The following HDHD2 variants were observed in gnomAD, a reference collection of about 807,000 sequenced individuals.
The protein encoded by HDHD2 is haloacid dehalogenase like hydrolase domain containing 2.
In HDHD2, 26 loss-of-function variants were observed where a neutral mutation model predicts 24.8. The ratio of observed to expected loss-of-function variants is 1.05; its 90% CI spans 0.77 to 1.45. The LOEUF (loss-of-function observed/expected upper bound fraction) is 1.45, where lower values mean the gene tolerates loss of function less well. Among genes scored for constraint, HDHD2 ranks in the 40% most tolerant of loss-of-function variants. The probability of loss-of-function intolerance (pLI) is 0.00; values close to 1 mark genes in which losing one functional copy is unlikely to be tolerated. For missense variants in HDHD2, 299 were observed against 313.4 expected (o/e 0.95, Z 0.35); for synonymous variants, 128 against 114.9 (o/e 1.11, Z -0.73).
intron 1 of HDHD2, among the ~76,000 whole-genome samples, chr18:47,144,954 CT>C (rs1289937328): frequency 6.6e-6 from 1 of 152,132 alleles, no homozygotes; most frequent in Non-Finnish European, 1.5e-5. Flanking sequence ...CCTATAAGGG[CT>C]TCTTATTCTT....
rs760347919 is a variant in HDHD2 at position 47,139,464 on chromosome 18, C to CAAAAAAAAAA, written c.-10-3025_-10-3016dup. On this transcript the variant is annotated intron_variant, in intron 1 of 6. Coordinates refer to ENST00000300605, the MANE Select transcript of HDHD2 (RefSeq NM_032124.5). ...TGGGTGACAGAGCGAGACTCTGTCT[C>CAAAAAAAAAA]AAAAAAAAAAAAAAAAAAAAAAAAA... Among the ~76,000 whole-genome samples, 33 of 50,476 alleles carry CAAAAAAAAAA rather than the reference C, an allele frequency of 6.5e-4. 2 individuals carry two copies. Among genetic ancestry groups the CAAAAAAAAAA allele is most frequent in the African/African-American group, 2.3e-3 (30 of 13,254 alleles). 33.1% of individuals were successfully genotyped at this position (50,476 alleles called of 152,430 possible). A position where few individuals can be genotyped will look rare whatever the true frequency, so the allele number is the denominator to read the frequency against.
intron 3 of HDHD2, among the ~76,000 whole-genome samples, chr18:47,131,196 C>T (rs1430995821): frequency 1.3e-5 from 2 of 152,070 alleles, no homozygotes; most frequent in African/African-American, 4.8e-5. Flanking sequence ...AGGCTGGTCT[C>T]GAATTCCTGA....
At position 47,150,460 on chromosome 18, in the gene HDHD2, G is replaced by C. The variant is rs1186466631; in HGVS notation, c.-93C>G. On this transcript the variant is annotated 5_prime_UTR_variant, in exon 1 of 7. Coordinates refer to ENST00000300605, the MANE Select transcript of HDHD2 (RefSeq NM_032124.5). ...CGCACTGGCCGCGGGTCCTCAGCCG[G>C]GATAGACAGCCCCGCTGCTGCCCGA... The C allele has an allele frequency of 6.6e-6, 1 of 152,394 alleles. No homozygotes were observed. The highest frequency in any genetic ancestry group is 1.9e-4 in the East Asian group (1 of 5,202). 9.4% of individuals were successfully genotyped at this position (152,394 alleles called of 1,614,324 possible). A position where few individuals can be genotyped will look rare whatever the true frequency, so the allele number is the denominator to read the frequency against.
intron 6 of HDHD2, chr18:47,110,272 C>G: frequency 1.0e-6 from 1 of 985,386 alleles, no homozygotes. Flanking sequence ...TAACTTCTTA[C>G]AGGAAGGGAG....
chr18:47,136,879 C>G (rs1346980268), intron 1 of HDHD2: 3 of 402,446 alleles, frequency 7.5e-6, no homozygotes, highest in Non-Finnish European at 1.4e-5. Flanking sequence ...TCTCATCGCC[C>G]TTCTTTGCTG....
intron 4 of HDHD2, among the ~76,000 whole-genome samples, chr18:47,117,827 T>C (rs1184960664): frequency 6.6e-6 from 1 of 151,878 alleles, no homozygotes; most frequent in African/African-American, 2.4e-5. Context: ...GTAATTATTA[T>C]AAGAAATAAT....
At chr18:47,128,129 C>G (rs1183662304) in intron 4 of HDHD2, among the ~76,000 whole-genome samples, 2 of 152,120 alleles carry the variant, frequency 1.3e-5, no homozygotes, top group East Asian at 1.9e-4. Flanking sequence ...TAGAGTTGAC[C>G]TATAAGTGCA....
At chr18:47,145,982 A>G (rs2063865534) in intron 1 of HDHD2, among the ~76,000 whole-genome samples, 1 of 152,204 alleles carries the variant, frequency 6.6e-6, no homozygotes, top group South Asian at 2.1e-4. Flanking sequence ...CTGTAATCTC[A>G]GCAGTTTGGG....
intron 2 of HDHD2, among the ~76,000 whole-genome samples, 194 bp from the exon 3 acceptor site, chr18:47,134,898 A>G (rs2063749521): frequency 6.6e-6 from 1 of 152,226 alleles, no homozygotes; most frequent in Non-Finnish European, 1.5e-5. Flanking sequence ...CCAGATGTAA[A>G]AAGATTTTTC....
chr18:47,112,808 G>C lies in HDHD2; in HGVS notation c.676+169C>G, dbSNP rs73954236. Among the ~76,000 whole-genome samples, 834 of 152,208 alleles carry C rather than the reference G, an allele frequency of 5.5e-3. 8 individuals are homozygous for C. The highest frequency in any genetic ancestry group is 0.019 in the African/African-American group (800 of 41,528). ...TGATCTTCCTAGCTTTGTACAGCAC[G>C]GGCCCTTCCCAATTGTTTCCTATAA... On this transcript the variant is annotated intron_variant, in intron 6 of 6. Transcript: ENST00000300605.
chr18:47,132,185 C>A (rs567973573), intron 3 of HDHD2, among the ~76,000 whole-genome samples: 1 of 152,064 alleles, frequency 6.6e-6, no homozygotes, highest in Non-Finnish European at 1.5e-5. Context: ...TTTTCCTATA[C>A]AGAAAATGTG....
In HDHD2 at chr18:47,134,601, C is replaced by T. The variant is rs766039364; in HGVS notation, c.205G>A (p.Glu69Lys). The part of the protein sequence containing the change: ...RLRKLEFDIS[E>K]DEIFTSLTAA... ...GTCAGAGATGTGAATATTTCATCTT[C>T]AGAGATATCAAATTCCAATTTTCTC... is the stretch of plus-strand genomic sequence containing the variant. Residue 69 changes from glutamate to lysine, a missense_variant, in exon 3 of 7, where the codon GAA (glutamate) becomes AAA (lysine). Transcript: ENST00000300605. 1 of 1,613,998 alleles carries T rather than the reference C, an allele frequency of 6.2e-7. No homozygotes were observed. The highest frequency in any genetic ancestry group is 1.7e-5 in the Admixed American group (1 of 60,034).
At chr18:47,125,699 G>T (rs1340974373) in intron 4 of HDHD2, among the ~76,000 whole-genome samples, 1 of 152,128 alleles carries the variant, frequency 6.6e-6, no homozygotes, top group African/African-American at 2.4e-5. Flanking sequence ...AATAATTATA[G>T]AAGTCAGAGC....
chr18:47,141,126 A>G (rs987302550), intron 1 of HDHD2, among the ~76,000 whole-genome samples: 2 of 152,202 alleles, frequency 1.3e-5, no homozygotes, highest in Non-Finnish European at 2.9e-5. Flanking sequence ...GCCATTTAAG[A>G]AAGTTCCCTT....
intron 4 of HDHD2, among the ~76,000 whole-genome samples, chr18:47,117,490 A>C (rs558674548): frequency 1.7e-4 from 26 of 152,314 alleles, no homozygotes; most frequent in African/African-American, 6.3e-4. Context: ...AGGATGATGC[A>C]GCAAAAGGCC....
At chr18:47,113,142 C>G in intron 5 of HDHD2, 102 bp from the exon 6 acceptor site, 1 of 893,220 alleles carries the variant, frequency 1.1e-6, no homozygotes, top group Non-Finnish European at 1.8e-6. Flanking sequence ...ACTGTAATGC[C>G]ATGTTTTTTA....
intron 1 of HDHD2, among the ~76,000 whole-genome samples, chr18:47,137,561 T>C (rs2063777580): frequency 6.6e-6 from 1 of 152,194 alleles, no homozygotes. Flanking sequence ...AAAATACTGA[T>C]TCTGTGAAAA....
At chr18:47,144,810 A>G (rs2063852793) in intron 1 of HDHD2, among the ~76,000 whole-genome samples, 4 of 151,120 alleles carry the variant, frequency 2.6e-5, no homozygotes, top group African/African-American at 4.8e-5. Flanking sequence ...AAAAAAAAAA[A>G]AAAAGAAAAG....
intron 3 of HDHD2, 25 bp from the exon 4 acceptor site, chr18:47,130,353 T>G (rs773600390): frequency 6.8e-7 from 1 of 1,460,804 alleles, no homozygotes; most frequent in South Asian, 1.2e-5. Context: ...AAAAAATGAT[T>G]GTTGCAAATG....
Sources: allele counts gnomAD v4.1 joint callset (sites outside exome capture counted in the v4.1 genomes callset), GRCh38; gene constraint gnomAD v4.1.1; transcripts MANE v1.5; gene names NCBI Gene and HGNC (gene_info 2026-07-23, HGNC 2026-07-21).